The following RAD51B variants were observed in gnomAD, a reference collection of about 807,000 sequenced individuals.
RAD51B encodes RAD51 paralog B.
A neutral mutation model predicts 42.2 loss-of-function variants in RAD51B; 38 were observed. That is an observed-to-expected ratio of 0.90 (90% CI 0.70 to 1.18). RAD51B has a LOEUF of 1.18. RAD51B is among the 50% of genes most tolerant of loss of function. The probability of loss-of-function intolerance (pLI) is 0.00; values close to 1 mark genes in which losing one functional copy is unlikely to be tolerated. For synonymous variants in RAD51B, 154 were observed against 145.2 expected (o/e 1.06, Z -0.43); for missense variants, 373 against 400.7 (o/e 0.93, Z 0.59).
At chr14:67,948,534 G>A (rs576955671) in intron 7 of RAD51B, among the ~76,000 whole-genome samples, 1 of 152,208 alleles carries the variant, frequency 6.6e-6, no homozygotes, top group African/African-American at 2.4e-5. Flanking sequence ...AGTAACTATT[G>A]CAATAATGTG....
At chr14:67,933,078 A>C (rs903020483) in intron 7 of RAD51B, among the ~76,000 whole-genome samples, 3 of 152,360 alleles carry the variant, frequency 2.0e-5, no homozygotes, top group Admixed American at 2.0e-4. Flanking sequence ...TCCTAGTGAC[A>C]GCTACTGCTA....
chr14:68,152,097 G>A (rs1303037341), intron 7 of RAD51B, among the ~76,000 whole-genome samples: 1 of 151,902 alleles, frequency 6.6e-6, no homozygotes, highest in Non-Finnish European at 1.5e-5. Context: ...GCCCACCTTG[G>A]CCTCCCAAAG....
chr14:68,334,901 GGATA>G (rs2082415768), intron 8 of RAD51B, among the ~76,000 whole-genome samples: 1 of 85,922 alleles, frequency 1.2e-5, no homozygotes, highest in African/African-American at 3.6e-5. Flanking sequence ...ATGATATATA[GGATA>G]GATATATTTT....
At chr14:67,904,536 G>A (rs915284595) in intron 7 of RAD51B, among the ~76,000 whole-genome samples, 10 of 142,282 alleles carry the variant, frequency 7.0e-5, no homozygotes, top group African/African-American at 2.1e-4. Context: ...TTTTGAGATG[G>A]AGTCTTGCTC....
At chr14:68,544,456 T>C (rs1298648803) in intron 10 of RAD51B, among the ~76,000 whole-genome samples, 1 of 152,188 alleles carries the variant, frequency 6.6e-6, no homozygotes, top group Non-Finnish European at 1.5e-5. Context: ...AAGCCAATCG[T>C]ATCTGTTTCC....
chr14:68,306,258 A>T (rs2081859970), intron 8 of RAD51B, among the ~76,000 whole-genome samples: 1 of 152,176 alleles, frequency 6.6e-6, no homozygotes. Context: ...TTAGAGGAGT[A>T]GGAGATTGCA....
chr14:67,868,277 C>T (rs559266116), intron 5 of RAD51B, among the ~76,000 whole-genome samples: 2 of 152,208 alleles, frequency 1.3e-5, no homozygotes, highest in Admixed American at 6.5e-5. Context: ...ACTCGGGAAG[C>T]GCAAGGGGTC....
At chr14:68,497,216 A>G (rs1479936277) in intron 10 of RAD51B, 11 of 1,376,996 alleles carry the variant, frequency 8.0e-6, no homozygotes, top group Middle Eastern at 2.0e-4. Context: ...AAATATTGGG[A>G]AAGAGTCTTG....
chr14:67,828,591 C>G lies in RAD51B; in HGVS notation c.198+3014C>G, dbSNP rs113826030. On this transcript the variant is annotated intron_variant, in intron 3 of 10. Coordinates refer to ENST00000471583, the MANE Select transcript of RAD51B (RefSeq NM_133510.4). ...TGAATGGTATTGCCTAGATTTTCTT[C>G]AAGGTTTTGTTTTTTTTCCTATAGT... Among the ~76,000 whole-genome samples, 110 of 152,124 alleles carry G rather than the reference C, an allele frequency of 7.2e-4. 1 individual carries two copies. Among genetic ancestry groups the G allele is most frequent in the African/African-American group, 2.6e-3 (108 of 41,490 alleles).
intron 7 of RAD51B, among the ~76,000 whole-genome samples, chr14:67,989,994 C>CTTTTTTTTTTTTTTTTTTTTTTTTT (rs539586350): frequency 2.5e-5 from 3 of 118,386 alleles, no homozygotes; most frequent in African/African-American, 6.8e-5. Flanking sequence ...CTTTTAACAT[C>CTTTTTTTTTTTTTTTTTTTTTTTTT]TTTTTTTTTT....
chr14:67,950,179 C>T (rs1003285857), intron 7 of RAD51B, among the ~76,000 whole-genome samples: 6 of 152,160 alleles, frequency 3.9e-5, no homozygotes, highest in Admixed American at 3.3e-4. Flanking sequence ...CTGACTTCTG[C>T]TCTCCAGCTA....
At chr14:68,626,556 T>C (rs540933615) in intron 10 of RAD51B, among the ~76,000 whole-genome samples, 1 of 152,346 alleles carries the variant, frequency 6.6e-6, no homozygotes, top group African/African-American at 2.4e-5. Flanking sequence ...CTCACTCACA[T>C]GGCTGGCAGT....
At chr14:68,390,582 A>G (rs2083717323) in intron 8 of RAD51B, among the ~76,000 whole-genome samples, 1 of 152,248 alleles carries the variant, frequency 6.6e-6, no homozygotes, top group African/African-American at 2.4e-5. Flanking sequence ...CCTTGGAGAC[A>G]GACCAGCATT....
chr14:68,076,049 G>T (rs1345950401), intron 7 of RAD51B, among the ~76,000 whole-genome samples: 1 of 152,182 alleles, frequency 6.6e-6, no homozygotes, highest in Non-Finnish European at 1.5e-5. Flanking sequence ...ACTTTCTACA[G>T]ACTAATGAAA....
At chr14:68,429,759 C>A (rs1017959075) in intron 9 of RAD51B, among the ~76,000 whole-genome samples, 3 of 151,248 alleles carry the variant, frequency 2.0e-5, no homozygotes, top group Non-Finnish European at 2.9e-5. Context: ...TTAATTAGAT[C>A]CCATTTGTCA....
intron 7 of RAD51B, among the ~76,000 whole-genome samples, chr14:68,135,730 A>T (rs983569668): frequency 1.1e-4 from 16 of 152,210 alleles, no homozygotes; most frequent in African/African-American, 3.6e-4. Context: ...TTCCATTAAG[A>T]TTAAATCCAA....
chr14:67,985,573 T>C (rs931736826), intron 7 of RAD51B, among the ~76,000 whole-genome samples: 6 of 152,126 alleles, frequency 3.9e-5, no homozygotes, highest in Non-Finnish European at 7.4e-5. Flanking sequence ...TACAGCAGCT[T>C]TTTAGCTTTT....
intron 7 of RAD51B, among the ~76,000 whole-genome samples, 197 bp from the exon 8 acceptor site, chr14:68,291,687 A>G (rs958320267): frequency 2.0e-5 from 3 of 152,218 alleles, no homozygotes; most frequent in Non-Finnish European, 4.4e-5. Flanking sequence ...TGGGTTTTGA[A>G]TAACTGCTAG....
intron 4 of RAD51B, among the ~76,000 whole-genome samples, chr14:67,864,288 A>G (rs1264946425): frequency 6.6e-6 from 1 of 152,204 alleles, no homozygotes; most frequent in Admixed American, 6.5e-5. Flanking sequence ...TTTCCTGTCT[A>G]TACTCTTTTG....
Sources: gnomAD v4.1 joint callset for allele counts (sites outside exome capture counted in the v4.1 genomes callset) on GRCh38, gnomAD v4.1.1 for gene constraint, MANE v1.5 for transcripts, NCBI Gene and HGNC (gene_info 2026-07-23, HGNC 2026-07-21) for gene names.